Variants in NSD3 observed in about 807,000 individuals in gnomAD.
NSD3 encodes the protein nuclear receptor binding SET domain protein 3, also known as histone-lysine N-methyltransferase NSD3.
In NSD3, 24 loss-of-function variants were observed where a neutral mutation model predicts 160.8. That is an observed-to-expected ratio of 0.15 (90% CI 0.11 to 0.21). The LOEUF is 0.21. Among genes scored for constraint, NSD3 ranks in the 10% least tolerant of loss-of-function variants. NSD3 has a pLI of 1.00. For missense variants in NSD3, 1,157 were observed against 1,735.9 expected, an observed-to-expected ratio of 0.67 and a Z score of 5.93; for synonymous variants, 520 against 600.0, an observed-to-expected ratio of 0.87 and a Z score of 1.95.
chr8:38,350,626 C>T (rs550463797), intron 1 of NSD3, among the ~76,000 whole-genome samples: 71 of 152,156 alleles, frequency 4.7e-4, no homozygotes, highest in African/African-American at 1.7e-3. Flanking sequence ...AGTACTTTTA[C>T]AAAATGTACG....
At chr8:38,363,615 G>A (rs1253091445) in intron 1 of NSD3, among the ~76,000 whole-genome samples, 1 of 145,932 alleles carries the variant, frequency 6.9e-6, no homozygotes, top group Non-Finnish European at 1.5e-5. Flanking sequence ...ACTCTAGCCT[G>A]GGTAACAGAG....
intron 2 of NSD3, 63 bp downstream of exon 2, chr8:38,347,434 T>C: frequency 6.6e-7 from 1 of 1,508,134 alleles, no homozygotes; most frequent in Non-Finnish European, 8.9e-7. Context: ...ACCAAAAAGA[T>C]CTCTTGAACT....
intron 1 of NSD3, among the ~76,000 whole-genome samples, chr8:38,380,059 C>T (rs1199348725): frequency 1.3e-5 from 2 of 152,162 alleles, no homozygotes; most frequent in Non-Finnish European, 2.9e-5. Context: ...AAAACCCTGG[C>T]ATCTCAATGA....
intron 1 of NSD3, among the ~76,000 whole-genome samples, chr8:38,366,213 TAA>T (rs757858457): frequency 6.6e-6 from 1 of 152,212 alleles, no homozygotes; most frequent in Admixed American, 6.5e-5. Flanking sequence ...TTGCACTGAT[TAA>T]AAGACTTTTA....
chr8:38,319,763 TAA>T lies in NSD3; in HGVS notation c.1810-825_1810-824del, dbSNP rs933515129. On this transcript the variant is annotated intron_variant, in intron 8 of 23. Transcript: ENST00000317025. The surrounding 1 kb of genome is among the most constrained non-coding windows in gnomAD (Gnocchi z 4.1). ...TATTTAAGGATTGTTCTAAGCTTTTTAAAAAAAATTTTATTTTTTTTACAACA... is the reference window on the plus strand; with the variant it reads ...TATTTAAGGATTGTTCTAAGCTTTTTAAAAAATTTTATTTTTTTTACAACA... The T allele has an allele frequency of 6.6e-6, 1 of 152,110 alleles. No individual in the cohort carries two copies. The highest frequency in any genetic ancestry group is 1.5e-5 in the Non-Finnish European group (1 of 68,008). 9.4% of individuals were successfully genotyped at this position (152,110 alleles called of 1,614,324 possible). A position where few individuals can be genotyped will look rare whatever the true frequency, so the allele number is the denominator to read the frequency against.
At position 38,311,420 on chromosome 8, in the gene NSD3, G is replaced by C. The variant is rs182090818; in HGVS notation, c.2242+3227C>G. Reference sequence around the variant, plus strand: ...TCGGCTCACTGCAACCTCTGCCTCCGAGGTTCAACGATTCTCCTGCCTCAG... The same window carrying C: ...TCGGCTCACTGCAACCTCTGCCTCCCAGGTTCAACGATTCTCCTGCCTCAG... On this transcript the variant is annotated intron_variant, in intron 12 of 23. Coordinates refer to ENST00000317025, the MANE Select transcript of NSD3 (RefSeq NM_023034.2). Among the ~76,000 whole-genome samples, 661 of 152,116 alleles carry C rather than the reference G, an allele frequency of 4.3e-3. 8 individuals are homozygous for C. The highest frequency in any genetic ancestry group is 3.9e-3 in the Non-Finnish European group (264 of 67,960).
In NSD3 at chr8:38,318,104, C is replaced by A; in HGVS notation, c.1855+791G>T. 6.3e-7 allele frequency: 1 copy of A among 1,585,654 alleles called. No homozygotes were observed. On this transcript the variant is annotated intron_variant, in intron 9 of 23. Coordinates refer to ENST00000317025, the MANE Select transcript of NSD3 (RefSeq NM_023034.2). The surrounding 1 kb of genome is among the most constrained non-coding windows in gnomAD (Gnocchi z 5.3). ...TCTCGCAGCGATCGCGATGTCTTTT[C>A]TTGGAGCTCCGCCAAGCAGTGTTCC...
chr8:38,374,851 A>G (rs1201917247), intron 1 of NSD3, among the ~76,000 whole-genome samples: 1 of 152,012 alleles, frequency 6.6e-6, no homozygotes, highest in Non-Finnish European at 1.5e-5. Flanking sequence ...AAAAATACAA[A>G]AAATTAGCCG....
Position 38,349,188 on chromosome 8 carries a change from T to A in NSD3, c.-44-973A>T, listed in dbSNP as rs531555205. Among the ~76,000 whole-genome samples the A allele has an allele frequency of 9.8e-5, 15 of 152,358 alleles. No homozygotes were observed. The East Asian group carries it at 2.7e-3, about 27-fold the overall frequency. ...TCTACATCAGCATGTATAGACAATT[T>A]TCATACATATTCATTCTTTAAATGG... On this transcript the variant is annotated intron_variant, in intron 1 of 23. Transcript: ENST00000317025.
At chr8:38,309,081 G>C (rs937932472) in intron 12 of NSD3, among the ~76,000 whole-genome samples, 1 of 151,606 alleles carries the variant, frequency 6.6e-6, no homozygotes, top group African/African-American at 2.4e-5. Flanking sequence ...GGCCAAGGTG[G>C]GTGCATTGCT....
Position 38,347,477 on chromosome 8 carries a change from A to C in NSD3, c.675+20T>G. On this transcript the variant is annotated intron_variant, in intron 2 of 23. Coordinates refer to ENST00000317025, the MANE Select transcript of NSD3 (RefSeq NM_023034.2). ...AATGTGAAATATAACAAAATTTTTCAAAACGACTTTTCAACTTACATTTTG... is the reference window on the plus strand; with the variant it reads ...AATGTGAAATATAACAAAATTTTTCCAAACGACTTTTCAACTTACATTTTG... 1 of 1,543,988 alleles carries C rather than the reference A, an allele frequency of 6.5e-7. No individual in the cohort carries two copies. Among genetic ancestry groups the C allele is most frequent in the Non-Finnish European group, 8.7e-7 (1 of 1,150,810 alleles).
chr8:38,379,602 T>C (rs1811487423), intron 1 of NSD3, among the ~76,000 whole-genome samples: 2 of 152,206 alleles, frequency 1.3e-5, no homozygotes, highest in African/African-American at 4.8e-5. Flanking sequence ...AAGCCAGATT[T>C]ACAAAGTACC....
chr8:38,306,989 C>A (rs1415612362), intron 12 of NSD3, among the ~76,000 whole-genome samples: 2 of 151,624 alleles, frequency 1.3e-5, no homozygotes, highest in Non-Finnish European at 2.9e-5. Flanking sequence ...GTGGCGGGCG[C>A]CTGTAGTCGC....
At chr8:38,337,684 A>T in intron 3 of NSD3, 1 of 338,534 alleles carries the variant, frequency 3.0e-6, no homozygotes. Flanking sequence ...TTGATACAGG[A>T]AAGGGTCAAA....
intron 11 of NSD3, 120 bp downstream of exon 11, chr8:38,315,296 G>C: frequency 8.1e-7 from 1 of 1,232,988 alleles, no homozygotes; most frequent in Non-Finnish European, 1.1e-6. Context: ...TATATCTGTA[G>C]CTTTAAAGTA....
In NSD3 at chr8:38,305,121, C is replaced by G. The variant is rs1031440954; in HGVS notation, c.2440+127G>C. Reference sequence around the variant, plus strand: ...AACATGTACTGTGTATGTACTGTGGCTGAACTGTTAAAGCTAGAGATACAC... The same window carrying G: ...AACATGTACTGTGTATGTACTGTGGGTGAACTGTTAAAGCTAGAGATACAC... On this transcript the variant is annotated intron_variant, in intron 13 of 23. Coordinates refer to ENST00000317025, the MANE Select transcript of NSD3 (RefSeq NM_023034.2). 6.0e-5 allele frequency: 56 copies of G among 937,160 alleles called. No homozygotes were observed. The African/African-American group carries it at 6.3e-4, about 11-fold the overall frequency. The allele number at this position is 937,160 out of a possible 1,614,324, so 58.1% of individuals were successfully genotyped here.
At chr8:38,372,831 C>A (rs1185451426) in intron 1 of NSD3, among the ~76,000 whole-genome samples, 98 of 145,530 alleles carry the variant, frequency 6.7e-4, no homozygotes, top group Non-Finnish European at 9.5e-4. Flanking sequence ...AAAAAAAAAA[C>A]CACCAGCCGG....
At position 38,329,356 on chromosome 8, in the gene NSD3, A is replaced by G; in HGVS notation, c.1581+22T>C. The G allele has an allele frequency of 1.3e-6, 2 of 1,595,014 alleles. No homozygotes were observed. The highest frequency in any genetic ancestry group is 1.7e-6 in the Non-Finnish European group (2 of 1,168,646). ...CTTTTAAAATACCATCCCCCAAAAAACTCCACGAAAAAAGGAGGTACCTTT... is the reference window on the plus strand; with the variant it reads ...CTTTTAAAATACCATCCCCCAAAAAGCTCCACGAAAAAAGGAGGTACCTTT... On this transcript the variant is annotated intron_variant, in intron 6 of 23. Coordinates refer to ENST00000317025, the MANE Select transcript of NSD3 (RefSeq NM_023034.2). The surrounding 1 kb of genome is among the most constrained non-coding windows in gnomAD (Gnocchi z 4.8).
intron 14 of NSD3, among the ~76,000 whole-genome samples, chr8:38,301,964 C>T (rs1375077218): frequency 6.6e-6 from 1 of 152,228 alleles, no homozygotes; most frequent in Non-Finnish European, 1.5e-5. Flanking sequence ...ACACAACCCT[C>T]TAAGATGAAA....
Sources: gnomAD v4.1 joint callset for allele counts (sites outside exome capture counted in the v4.1 genomes callset) on GRCh38, gnomAD v4.1.1 for gene constraint, Gnocchi (gnomAD v3.1) non-coding constraint, MANE v1.5 for transcripts, NCBI Gene and HGNC (gene_info 2026-07-23, HGNC 2026-07-21) for gene names.